TBC1D30: variants seen among roughly 807,000 people sequenced by gnomAD.
TBC1D30 encodes TBC1 domain family member 30, also known as TBC1 domain family, member 30.
TBC1D30 carries 31 observed loss-of-function variants against 63.2 expected under a neutral mutation model. That is an observed-to-expected ratio of 0.49 (90% CI 0.37 to 0.66). The LOEUF (loss-of-function observed/expected upper bound fraction) is 0.66. Ranked by LOEUF, TBC1D30 falls within the 30% of genes least tolerant of loss-of-function variation. The pLI is 0.00. For missense variants in TBC1D30, 810 were observed against 953.6 expected (o/e 0.85, Z 1.98); for synonymous variants, 307 against 361.5 (o/e 0.85, Z 1.71).
At chr12:64,811,256 C>T (rs573003468) in intron 2 of TBC1D30, among the ~76,000 whole-genome samples, 119 of 152,214 alleles carry the variant, frequency 7.8e-4, no homozygotes, top group Non-Finnish European at 1.5e-3. Flanking sequence ...CAATTTTGTT[C>T]GAATCATCTC....
intron 1 of TBC1D30, among the ~76,000 whole-genome samples, chr12:64,774,452 A>G (rs1871006654): frequency 6.6e-6 from 1 of 152,166 alleles, no homozygotes; most frequent in Admixed American, 6.5e-5. Context: ...CCCCAGTAAG[A>G]TACTCCATGA....
At chr12:64,804,572 T>C (rs1802348957) in intron 2 of TBC1D30, among the ~76,000 whole-genome samples, 2 of 152,216 alleles carry the variant, frequency 1.3e-5, no homozygotes, top group Admixed American at 1.3e-4. Context: ...GTGCCAGTTT[T>C]CAAAGGGAAT....
chr12:64,827,962 C>T (rs1874510792), intron 2 of TBC1D30, 66 bp downstream of exon 2: 1 of 1,075,398 alleles, frequency 9.3e-7, no homozygotes, highest in African/African-American at 1.6e-5. Context: ...GATATATTCT[C>T]AAAGTGGAAA....
At chr12:64,809,088 A>G (rs1256434262) in intron 2 of TBC1D30, among the ~76,000 whole-genome samples, 1 of 152,142 alleles carries the variant, frequency 6.6e-6, no homozygotes, top group Non-Finnish European at 1.5e-5. Context: ...ACTTCTAATA[A>G]CTGGAATTCT....
In TBC1D30 at chr12:64,876,913, A is replaced by G; in HGVS notation, c.*1125A>G. 2.2e-6 allele frequency: 1 copy of G among 456,066 alleles called. No individual in the cohort carries two copies. The highest frequency in any genetic ancestry group is 1.5e-5 in the South Asian group (1 of 64,526). The allele number at this position is 456,066 out of a possible 1,614,324, so 28.3% of individuals were successfully genotyped here. A position where few individuals can be genotyped will look rare whatever the true frequency, so the allele number is the denominator to read the frequency against. On this transcript the variant is annotated 3_prime_UTR_variant, in exon 12 of 12. Transcript: ENST00000539867. ...GGGAACTCTGAGCCACACAGAGGTG[A>G]AGTAGCACTTCAGTTACTCAAGGTC...
chr12:64,874,947 A>G (rs1273487026), intron 11 of TBC1D30, 54 bp from the exon 12 acceptor site: 28 of 1,468,046 alleles, frequency 1.9e-5, no homozygotes, highest in Non-Finnish European at 2.4e-5. Flanking sequence ...CTGTTCCAAG[A>G]TGGATGTGTT....
chr12:64,862,242 T>G (rs1877854346), intron 8 of TBC1D30, among the ~76,000 whole-genome samples: 1 of 152,200 alleles, frequency 6.6e-6, no homozygotes. Flanking sequence ...GAGTGCTATG[T>G]CGGTGTGCCA....
At position 64,865,488 on chromosome 12, in the gene TBC1D30, G is replaced by A. The variant is rs184739207; in HGVS notation, c.1151+708G>A. Among the ~76,000 whole-genome samples the A allele has an allele frequency of 3.7e-3, 560 of 151,994 alleles. 4 individuals are homozygous for A. Among genetic ancestry groups the A allele is most frequent in the African/African-American group, 0.013 (538 of 41,412 alleles). On this transcript the variant is annotated intron_variant, in intron 9 of 11. Transcript: ENST00000539867. ...AGTAGACTCAAAAATATCTGTGGAA[G>A]GATATTTTTAACTTACTATGCAAAA...
intron 2 of TBC1D30, among the ~76,000 whole-genome samples, chr12:64,803,295 C>T (rs559102866): frequency 6.6e-6 from 1 of 152,280 alleles, no homozygotes; most frequent in South Asian, 2.1e-4. Context: ...TAAATGTCTT[C>T]TTTTGAGAAT....
chr12:64,781,029 G>A (rs865881278), exon 1 of TBC1D30: 3 of 1,027,076 alleles, frequency 2.9e-6, no homozygotes, highest in East Asian at 1.1e-4. Flanking sequence ...TGCGGCGGCC[G>A]CACAAGCCGC....
At chr12:64,777,934 A>AT (rs1377900633), upstream of TBC1D30, among the ~76,000 whole-genome samples, 1 of 151,934 alleles carries the variant, frequency 6.6e-6, no homozygotes, top group Non-Finnish European at 1.5e-5. Flanking sequence ...TAATTTTTGT[A>AT]TTTTTTTAGT....
chr12:64,836,367 A>G (rs1875351980), intron 5 of TBC1D30, 123 bp from the exon 6 acceptor site: 5 of 724,690 alleles, frequency 6.9e-6, no homozygotes, highest in Non-Finnish European at 1.1e-5. Flanking sequence ...GTACTGATGC[A>G]TTTAAGGATA....
intron 1 of TBC1D30, among the ~76,000 whole-genome samples, chr12:64,773,704 G>A (rs1412377915): frequency 6.6e-6 from 1 of 152,220 alleles, no homozygotes; most frequent in Non-Finnish European, 1.5e-5. Context: ...AACCCAAGGT[G>A]ACTGGGACCA....
In TBC1D30 at chr12:64,832,169, G is replaced by A; in HGVS notation, c.459G>A (p.Gln153=). The part of the protein sequence containing the change: ...CSSYCGQEAE[Q]DRVVLKRVLL... Reference sequence around the variant, plus strand: ...CTTACTGTGGCCAGGAGGCTGAGCAGGACAGGGTTGTGTTGAAGCGGGTGC... The same window carrying A: ...CTTACTGTGGCCAGGAGGCTGAGCAAGACAGGGTTGTGTTGAAGCGGGTGC... The change falls in exon 5 of 12, where the codon CAG becomes CAA. Residue 153 remains glutamine (Q), a synonymous_variant. Transcript: ENST00000539867. The A allele has an allele frequency of 6.5e-7, 1 of 1,536,160 alleles. No individual in the cohort carries two copies. Among genetic ancestry groups the A allele is most frequent in the Non-Finnish European group, 8.7e-7 (1 of 1,146,912 alleles).
At chr12:64,820,116 T>C (rs1873800831), upstream of TBC1D30, among the ~76,000 whole-genome samples, 1 of 152,168 alleles carries the variant, frequency 6.6e-6, no homozygotes. Flanking sequence ...TGTCAGTCCC[T>C]GAAGATAAGC....
chr12:64,864,613 T>A, intron 8 of TBC1D30, 55 bp from the exon 9 acceptor site: 12 of 1,179,484 alleles, frequency 1.0e-5, no homozygotes, highest in Non-Finnish European at 1.5e-5. Context: ...CCAGGATTGA[T>A]AAGAGTTGTG....
intron 2 of TBC1D30, among the ~76,000 whole-genome samples, chr12:64,792,175 ATAAG>A (rs756739144): frequency 1.3e-5 from 2 of 152,232 alleles, no homozygotes; most frequent in Non-Finnish European, 2.9e-5. Context: ...TTTTTAAAGA[ATAAG>A]TAAACAAAGG....
At chr12:64,795,792 G>A (rs1872222962) in intron 2 of TBC1D30, among the ~76,000 whole-genome samples, 1 of 112,446 alleles carries the variant, frequency 8.9e-6, no homozygotes, top group African/African-American at 3.5e-5. Flanking sequence ...GGTTTTGGTG[G>A]GGACCAAAGT....
At chr12:64,834,706 G>GATTTTTT (rs1323627870) in intron 5 of TBC1D30, among the ~76,000 whole-genome samples, 1 of 117,164 alleles carries the variant, frequency 8.5e-6, no homozygotes, top group Non-Finnish European at 1.9e-5. Flanking sequence ...ACCGTGCCGG[G>GATTTTTT]CTTTTTTTTT....
Sources: gnomAD v4.1 joint callset for allele counts (sites outside exome capture counted in the v4.1 genomes callset) on GRCh38, gnomAD v4.1.1 for gene constraint, MANE v1.5 for transcripts, NCBI Gene and HGNC (gene_info 2026-07-23, HGNC 2026-07-21) for gene names.